Variants in SPAG16 observed in about 807,000 individuals in gnomAD.
The protein encoded by SPAG16 is sperm-associated antigen 16 protein.
SPAG16 carries 86 observed loss-of-function variants against 80.4 expected under a neutral mutation model. That is an observed-to-expected ratio of 1.07 (90% CI 0.90 to 1.28). The LOEUF (loss-of-function observed/expected upper bound fraction) is 1.28. Ranked by LOEUF, SPAG16 falls within the 50% of genes most tolerant of loss-of-function variation. The pLI is 0.00. For synonymous variants in SPAG16, 294 were observed against 265.9 expected, an observed-to-expected ratio of 1.11 and a Z score of -1.03; for missense variants, 870 against 765.3, an observed-to-expected ratio of 1.14 and a Z score of -1.61.
chr2:214,196,542 C>T (rs2057844657), intron 15 of SPAG16, among the ~76,000 whole-genome samples: 5 of 152,044 alleles, frequency 3.3e-5, no homozygotes, highest in Admixed American at 3.3e-4. Flanking sequence ...CCAGAATATT[C>T]TCCTAATTCC....
At chr2:214,330,416 G>A (rs942949327) in intron 15 of SPAG16, among the ~76,000 whole-genome samples, 4 of 152,130 alleles carry the variant, frequency 2.6e-5, no homozygotes, top group African/African-American at 9.7e-5. Flanking sequence ...AAAATGAAAG[G>A]GCACTGTTTT....
At chr2:213,703,398 A>C (rs1163194822) in intron 10 of SPAG16, among the ~76,000 whole-genome samples, 1 of 152,188 alleles carries the variant, frequency 6.6e-6, no homozygotes, top group Non-Finnish European at 1.5e-5. Flanking sequence ...GCGCAGAGAG[A>C]GCACCAACGT....
At chr2:213,959,126 A>G (rs1486819098) in intron 12 of SPAG16, among the ~76,000 whole-genome samples, 1 of 152,122 alleles carries the variant, frequency 6.6e-6, no homozygotes, top group African/African-American at 2.4e-5. Context: ...ATCTGATGGT[A>G]ATCTTATTGA....
At chr2:213,393,139 TTTTTGG>T (rs2067851403) in intron 9 of SPAG16, among the ~76,000 whole-genome samples, 3 of 151,890 alleles carry the variant, frequency 2.0e-5, no homozygotes, top group African/African-American at 7.2e-5. Context: ...CTGCTCCCTA[TTTTTGG>T]ATTATGCATG....
chr2:213,476,428 G>A (rs1430098700), intron 9 of SPAG16, among the ~76,000 whole-genome samples: 1 of 152,162 alleles, frequency 6.6e-6, no homozygotes, highest in Non-Finnish European at 1.5e-5. Context: ...AACACCCGAG[G>A]GTGAAGGGGG....
At chr2:213,314,105 T>G (rs2063310717) in intron 4 of SPAG16, among the ~76,000 whole-genome samples, 1 of 151,926 alleles carries the variant, frequency 6.6e-6, no homozygotes. Flanking sequence ...TCTTAAATGC[T>G]TTTGTTATGT....
At chr2:213,861,907 A>G (rs1159650141) in intron 10 of SPAG16, among the ~76,000 whole-genome samples, 1 of 152,162 alleles carries the variant, frequency 6.6e-6, no homozygotes. Flanking sequence ...TGTACTGTGC[A>G]TTGACTGAAG....
intron 15 of SPAG16, among the ~76,000 whole-genome samples, chr2:214,168,890 A>G (rs1265371518): frequency 6.6e-6 from 1 of 152,130 alleles, no homozygotes; most frequent in Non-Finnish European, 1.5e-5. Context: ...GGAAACTGTG[A>G]CAAGGTAGCC....
At chr2:213,542,900 A>G (rs773753978) in intron 10 of SPAG16, among the ~76,000 whole-genome samples, 6 of 152,108 alleles carry the variant, frequency 3.9e-5, no homozygotes, top group African/African-American at 9.6e-5. Flanking sequence ...AAATGAATCA[A>G]TGGAATAAAA....
intron 10 of SPAG16, among the ~76,000 whole-genome samples, chr2:213,838,555 AG>A (rs1486693570): frequency 6.6e-6 from 1 of 152,226 alleles, no homozygotes; most frequent in Non-Finnish European, 1.5e-5. Flanking sequence ...TGTCACATCA[AG>A]AGACAAAGTT....
At chr2:214,025,844 T>C (rs1339238888) in intron 13 of SPAG16, among the ~76,000 whole-genome samples, 1 of 151,550 alleles carries the variant, frequency 6.6e-6, no homozygotes, top group Non-Finnish European at 1.5e-5. Context: ...CCTACTGTTA[T>C]GACACTTGTG....
At chr2:213,664,373 A>G (rs1355132589) in intron 10 of SPAG16, among the ~76,000 whole-genome samples, 3 of 152,102 alleles carry the variant, frequency 2.0e-5, no homozygotes, top group Non-Finnish European at 4.4e-5. Context: ...TTTCTACCAC[A>G]CATGGAATAA....
chr2:213,857,682 G>T (rs2075235751), intron 10 of SPAG16, among the ~76,000 whole-genome samples: 1 of 152,192 alleles, frequency 6.6e-6, no homozygotes, highest in South Asian at 2.1e-4. Flanking sequence ...CATCAATTCT[G>T]CTTCCCGTGG....
At chr2:214,005,090 C>T (rs2046969779) in intron 12 of SPAG16, among the ~76,000 whole-genome samples, 1 of 152,014 alleles carries the variant, frequency 6.6e-6, no homozygotes, top group South Asian at 2.1e-4. Context: ...ATCAGCCTGC[C>T]TCAGGTTGCT....
rs112297458 is a variant in SPAG16 at position 213,649,458 on chromosome 2, C to A, written c.1070+159368C>A. Among the ~76,000 whole-genome samples the A allele has an allele frequency of 1.5e-3, 224 of 152,208 alleles. 1 individual carries two copies. The highest frequency in any genetic ancestry group is 4.3e-3 in the African/African-American group (180 of 41,516). Reference sequence around the variant, plus strand: ...TTTCTCAACTTATCATGGCAGAATGCCACTTATAATTTAAAAAAATAACCC... The same window carrying A: ...TTTCTCAACTTATCATGGCAGAATGACACTTATAATTTAAAAAAATAACCC... On this transcript the variant is annotated intron_variant, in intron 10 of 15. Coordinates refer to ENST00000331683, the MANE Select transcript of SPAG16 (RefSeq NM_024532.5).
At chr2:213,602,143 C>T (rs529586757) in intron 10 of SPAG16, among the ~76,000 whole-genome samples, 33 of 152,300 alleles carry the variant, frequency 2.2e-4, no homozygotes, top group South Asian at 6.2e-4. Context: ...GGACCAGCAC[C>T]GGTCTGTGGA....
chr2:214,349,855 G>C (rs1007717684), intron 15 of SPAG16, among the ~76,000 whole-genome samples: 1 of 152,072 alleles, frequency 6.6e-6, no homozygotes, highest in East Asian at 1.9e-4. Flanking sequence ...TCATGTGCTC[G>C]TTGAGCATTT....
chr2:213,508,842 C>A (rs1037202256), intron 10 of SPAG16, among the ~76,000 whole-genome samples: 2 of 151,726 alleles, frequency 1.3e-5, no homozygotes, highest in Non-Finnish European at 2.9e-5. Context: ...GGGTGCAGCG[C>A]ACCAACATGG....
chr2:214,388,351 G>T (rs1185979280), intron 15 of SPAG16, among the ~76,000 whole-genome samples: 1 of 152,066 alleles, frequency 6.6e-6, no homozygotes, highest in Non-Finnish European at 1.5e-5. Context: ...CAAGTGAGGG[G>T]CCCTAAAGTA....
Sources: gnomAD v4.1 joint callset for allele counts (sites outside exome capture counted in the v4.1 genomes callset) on GRCh38, gnomAD v4.1.1 for gene constraint, MANE v1.5 for transcripts, NCBI Gene and HGNC (gene_info 2026-07-23, HGNC 2026-07-21) for gene names.